Variants in ITGAE observed in about 807,000 individuals in gnomAD.
ITGAE encodes the protein integrin subunit alpha E, also known as integrin alpha-E.
ITGAE carries 99 observed loss-of-function variants against 136.5 expected under a neutral mutation model. The observed-to-expected ratio is 0.73, with a 90% CI of 0.62 to 0.86. The LOEUF (loss-of-function observed/expected upper bound fraction) is 0.86, where lower values mean the gene tolerates loss of function less well. Ranked by LOEUF, ITGAE falls within the 40% of genes least tolerant of loss-of-function variation. ITGAE has a pLI of 0.00. For synonymous variants in ITGAE, 613 were observed against 591.8 expected, an observed-to-expected ratio of 1.04 and a Z score of -0.52; for missense variants, 1,447 against 1,515.3, an observed-to-expected ratio of 0.95 and a Z score of 0.75.
rs140884869 is a variant in ITGAE, at chr17:3,757,903, G to A, written c.867-44C>T. On this transcript the variant is annotated intron_variant, in intron 8 of 30. Coordinates refer to ENST00000263087, the MANE Select transcript of ITGAE (RefSeq NM_002208.5). ...ATGAAGAAGAGAGCTTTGCCAGAAGGATGACCGAGCTCCAGGAGAGACTTT... is the reference window on the plus strand; with the variant it reads ...ATGAAGAAGAGAGCTTTGCCAGAAGAATGACCGAGCTCCAGGAGAGACTTT... 9.2e-5 allele frequency: 147 copies of A among 1,606,280 alleles called. No homozygotes were observed. The African/African-American group carries it at 1.8e-3, about 20-fold the overall frequency.
intron 19 of ITGAE, among the ~76,000 whole-genome samples, chr17:3,741,147 C>T (rs527434083): frequency 5.3e-4 from 78 of 147,786 alleles, no homozygotes; most frequent in African/African-American, 1.8e-3. Context: ...GCGCAATCTC[C>T]GCTCACTGCA....
chr17:3,783,681 G>C (rs2052715000), intron 1 of ITGAE, among the ~76,000 whole-genome samples: 1 of 151,970 alleles, frequency 6.6e-6, no homozygotes, highest in Admixed American at 6.6e-5. Flanking sequence ...CCAATTAATG[G>C]CTGTTTACTC....
At chr17:3,748,823 A>C (rs78537290) in intron 16 of ITGAE, among the ~76,000 whole-genome samples, 2,938 of 152,208 alleles carry the variant, frequency 0.019, 73 homozygotes, top group South Asian at 0.06. Flanking sequence ...CCTGGAATCT[A>C]ATTAGTGAGA....
chr17:3,755,747 G>A (rs940084824), intron 11 of ITGAE, 83 bp downstream of exon 11: 5 of 1,150,150 alleles, frequency 4.3e-6, no homozygotes, highest in Non-Finnish European at 6.4e-6. Context: ...AGCCCTGGAT[G>A]GGAGGCAGGA....
chr17:3,749,502 T>C (rs917413946), intron 16 of ITGAE, among the ~76,000 whole-genome samples: 1 of 152,116 alleles, frequency 6.6e-6, no homozygotes, highest in African/African-American at 2.4e-5. Context: ...TCCACCCGCC[T>C]GGGCCTCCCA....
At chr17:3,731,719 G>T (rs1597309899) in intron 22 of ITGAE, among the ~76,000 whole-genome samples, 2 of 152,062 alleles carry the variant, frequency 1.3e-5, no homozygotes, top group Non-Finnish European at 2.9e-5. Context: ...TACAGGTGAA[G>T]AAGCCACTTC....
chr17:3,760,364 C>A, intron 6 of ITGAE, 77 bp from the exon 7 acceptor site: 2 of 758,582 alleles, frequency 2.6e-6, no homozygotes, highest in Non-Finnish European at 2.2e-6. Context: ...GGGCATGCAC[C>A]CCCACTGCAG....
chr17:3,720,642 T>A, intron 28 of ITGAE: 1 of 321,028 alleles, frequency 3.1e-6, no homozygotes, highest in Non-Finnish European at 5.8e-6. Flanking sequence ...AGTGAAGTGG[T>A]GCGATCTCGG....
chr17:3,735,084 C>G, intron 20 of ITGAE, 135 bp from the exon 21 acceptor site: 5 of 973,616 alleles, frequency 5.1e-6, no homozygotes, highest in Non-Finnish European at 7.8e-6. Flanking sequence ...GCCTCCACTT[C>G]CTGGGTTCAA....
intron 2 of ITGAE, 63 bp downstream of exon 2, chr17:3,777,477 C>A: frequency 1.3e-6 from 2 of 1,542,604 alleles, no homozygotes; most frequent in Non-Finnish European, 8.8e-7. Context: ...GTCTCTGGGG[C>A]CCATCTCAGA....
At chr17:3,763,308 TCA>T (rs1480007388) in intron 3 of ITGAE, among the ~76,000 whole-genome samples, 1 of 145,130 alleles carries the variant, frequency 6.9e-6, no homozygotes, top group Non-Finnish European at 1.5e-5. Flanking sequence ...TGAATCAGGT[TCA>T]TTCATTCATT....
At chr17:3,723,907 G>C (rs749465251) in intron 26 of ITGAE, 163 bp from the exon 27 acceptor site, 2 of 1,535,150 alleles carry the variant, frequency 1.3e-6, no homozygotes, top group East Asian at 2.3e-5. Context: ...CGCGATGTTT[G>C]CGTTTGAACC....
chr17:3,725,692 C>T (rs144505339), intron 26 of ITGAE: 4 of 1,579,308 alleles, frequency 2.5e-6, no homozygotes, highest in Non-Finnish European at 3.4e-6. Context: ...ACCAAAGGCT[C>T]TGCAAATGAC....
chr17:3,778,560 C>A (rs546129323), intron 1 of ITGAE, among the ~76,000 whole-genome samples: 1 of 147,568 alleles, frequency 6.8e-6, no homozygotes, highest in African/African-American at 2.7e-5. Context: ...AAGACTCCGT[C>A]TCAAAACAAC....
intron 18 of ITGAE, among the ~76,000 whole-genome samples, chr17:3,744,446 C>CTCTCTTTT (rs1555520830): frequency 5.5e-5 from 7 of 128,264 alleles, no homozygotes; most frequent in African/African-American, 1.5e-4. Flanking sequence ...AGTTCTTTCT[C>CTCTCTTTT]TTTTTTTTTT....
Position 3,737,257 on chromosome 17 carries a change from C to T in ITGAE, c.2523-2308G>A, listed in dbSNP as rs528041776. Among the ~76,000 whole-genome samples the T allele has an allele frequency of 4.1e-3, 629 of 152,324 alleles. 8 individuals carry two copies. Among genetic ancestry groups the T allele is most frequent in the African/African-American group, 0.015 (612 of 41,564 alleles). On this transcript the variant is annotated intron_variant, in intron 20 of 30. Coordinates refer to ENST00000263087, the MANE Select transcript of ITGAE (RefSeq NM_002208.5). ...GCAGTGAGCCAAGATCGCGCCACTG[C>T]ACTCCTGCCTGGGTGACAGAGTGAG...
intron 2 of ITGAE, among the ~76,000 whole-genome samples, chr17:3,773,213 C>T (rs1049639770): frequency 6.6e-6 from 1 of 152,136 alleles, no homozygotes; most frequent in African/African-American, 2.4e-5. Context: ...TATTACAGGC[C>T]AGGTGCCTTG....
chr17:3,785,792 G>GAA (rs139454793), intron 1 of ITGAE, among the ~76,000 whole-genome samples: 8 of 137,614 alleles, frequency 5.8e-5, no homozygotes, highest in African/African-American at 2.1e-4. Context: ...TACTGAACAA[G>GAA]AAAAAAAAAA....
chr17:3,788,099 T>C (rs1225509317), intron 1 of ITGAE, among the ~76,000 whole-genome samples: 6 of 152,220 alleles, frequency 3.9e-5, no homozygotes, highest in Admixed American at 1.3e-4. Flanking sequence ...CTTTTTCTTA[T>C]TGATTTGTAG....
Sources: gnomAD v4.1 joint callset for allele counts (sites outside exome capture counted in the v4.1 genomes callset) on GRCh38, gnomAD v4.1.1 for gene constraint, MANE v1.5 for transcripts, NCBI Gene and HGNC (gene_info 2026-07-23, HGNC 2026-07-21) for gene names.